IQCK: variants seen among roughly 807,000 people sequenced by gnomAD.
IQCK encodes the protein IQ motif containing K, also known as IQ domain-containing protein K.
Under a neutral mutation model 28.1 loss-of-function variants are expected in IQCK, and 29 were observed. The observed-to-expected ratio is 1.03, with a 90% CI of 0.77 to 1.41. IQCK has a LOEUF of 1.41. Ranked by LOEUF, IQCK falls within the 40% of genes most tolerant of loss-of-function variation. The probability of loss-of-function intolerance (pLI) is 0.00; values close to 1 mark genes in which losing one functional copy is unlikely to be tolerated. For missense variants in IQCK, 359 were observed against 314.7 expected (o/e 1.14, Z -1.07); for synonymous variants, 113 against 115.1 (o/e 0.98, Z 0.12).
At chr16:19,767,544 G>T (rs2055257024) in intron 6 of IQCK, among the ~76,000 whole-genome samples, 1 of 152,072 alleles carries the variant, frequency 6.6e-6, no homozygotes, top group Non-Finnish European at 1.5e-5. Context: ...TTCTGCTGGT[G>T]TGCTCCTCTC....
chr16:19,783,547 G>A (rs200168174), intron 6 of IQCK, among the ~76,000 whole-genome samples: 1 of 151,998 alleles, frequency 6.6e-6, no homozygotes, highest in African/African-American at 2.4e-5. Flanking sequence ...ATGAGCAGTC[G>A]CCTCTTTATT....
chr16:19,773,095 G>T (rs1339546754), intron 6 of IQCK, among the ~76,000 whole-genome samples: 1 of 152,182 alleles, frequency 6.6e-6, no homozygotes, highest in African/African-American at 2.4e-5. Context: ...CCTGGGCGAG[G>T]TGGTATCTAC....
rs557701554 is a variant in IQCK at position 19,817,590 on chromosome 16, G to A, written c.691-9436G>A. On this transcript the variant is annotated intron_variant, in intron 7 of 7. Transcript: ENST00000564186. Reference sequence around the variant, plus strand: ...CCCTATGAACAACTGCAGGCTTCCAGAATGATGAGGAAATGGATGTTTCTG... The same window carrying A: ...CCCTATGAACAACTGCAGGCTTCCAAAATGATGAGGAAATGGATGTTTCTG... Among the ~76,000 whole-genome samples the A allele has an allele frequency of 5.9e-5, 9 of 152,290 alleles. No individual in the cohort carries two copies. The South Asian group carries it at 1.7e-3, about 28-fold the overall frequency.
chr16:19,754,079 T>C (rs1172255918), intron 4 of IQCK, among the ~76,000 whole-genome samples: 1 of 152,046 alleles, frequency 6.6e-6, no homozygotes, highest in Non-Finnish European at 1.5e-5. Flanking sequence ...GAGGTGGGAT[T>C]ATCTCACCTG....
intron 3 of IQCK, among the ~76,000 whole-genome samples, chr16:19,734,594 G>A (rs1327183523): frequency 2.0e-5 from 3 of 151,208 alleles, no homozygotes; most frequent in Non-Finnish European, 2.9e-5. Flanking sequence ...GCACCACTGC[G>A]TTCCAGCCTG....
intron 4 of IQCK, among the ~76,000 whole-genome samples, chr16:19,743,233 AG>A (rs2054861993): frequency 6.6e-6 from 1 of 152,206 alleles, no homozygotes; most frequent in African/African-American, 2.4e-5. Context: ...AAGCTACATG[AG>A]CACTCTGGAG....
At chr16:19,779,819 G>A (rs886497925) in intron 6 of IQCK, among the ~76,000 whole-genome samples, 2 of 150,790 alleles carry the variant, frequency 1.3e-5, no homozygotes, top group Non-Finnish European at 3.0e-5. Flanking sequence ...CTGGGTTCAC[G>A]CCATTCTCCT....
intron 6 of IQCK, among the ~76,000 whole-genome samples, chr16:19,778,813 C>A (rs1210124340): frequency 1.3e-5 from 2 of 152,086 alleles, no homozygotes. Flanking sequence ...TTTTAGTGCC[C>A]TCAAGATGTC....
chr16:19,752,408 A>T (rs1328215293), intron 4 of IQCK, among the ~76,000 whole-genome samples: 1 of 152,116 alleles, frequency 6.6e-6, no homozygotes, highest in Non-Finnish European at 1.5e-5. Flanking sequence ...AGTAGTGGAA[A>T]CTCAAATGAG....
intron 9 of IQCK, among the ~76,000 whole-genome samples, chr16:19,850,101 A>C (rs2056464227): frequency 6.6e-6 from 1 of 152,236 alleles, no homozygotes; most frequent in Non-Finnish European, 1.5e-5. Flanking sequence ...ATACTTAATC[A>C]TTCCCTGACT....
chr16:19,810,059 A>G (rs1339642843), intron 7 of IQCK, among the ~76,000 whole-genome samples: 1 of 152,132 alleles, frequency 6.6e-6, no homozygotes, highest in East Asian at 1.9e-4. Context: ...TTTTTTTTAG[A>G]GCACCCCCAA....
chr16:19,771,931 C>T (rs574774864), intron 6 of IQCK, among the ~76,000 whole-genome samples: 49 of 152,058 alleles, frequency 3.2e-4, no homozygotes, highest in African/African-American at 1.1e-3. Context: ...AGGGAATCAA[C>T]GAGGGATAAA....
At chr16:19,761,282 G>T in intron 4 of IQCK, 1 of 422,106 alleles carries the variant, frequency 2.4e-6, no homozygotes, top group Admixed American at 2.7e-5. Context: ...GAATTTTGGG[G>T]TGATACAATT....
At chr16:19,767,108 A>T (rs1597538878) in intron 6 of IQCK, among the ~76,000 whole-genome samples, 3 of 152,174 alleles carry the variant, frequency 2.0e-5, no homozygotes, top group Non-Finnish European at 2.9e-5. Context: ...CCTGCTGCTC[A>T]AACCTCTAGG....
rs145040033 is a variant in IQCK at position 19,735,654 on chromosome 16, G to C, written c.474+204G>C. On this transcript the variant is annotated intron_variant, in intron 4 of 7. Transcript: ENST00000564186. ...TGCGCTGCCATCTGTCTGGCCACTTGGACTCCGGAGAGCTTTTCCGCCTTG... is the reference window on the plus strand; with the variant it reads ...TGCGCTGCCATCTGTCTGGCCACTTCGACTCCGGAGAGCTTTTCCGCCTTG... 1.6e-3 allele frequency: 906 copies of C among 558,418 alleles called. 5 individuals are homozygous for C. The highest frequency in any genetic ancestry group is 0.013 in the African/African-American group (684 of 52,782). The allele number at this position is 558,418 out of a possible 1,614,324, so 34.6% of individuals were successfully genotyped here.
chr16:19,807,998 T>A (rs564995422), intron 7 of IQCK, among the ~76,000 whole-genome samples: 1 of 152,236 alleles, frequency 6.6e-6, no homozygotes, highest in East Asian at 1.9e-4. Context: ...TTGTTTTTTT[T>A]AAAAAAACAT....
chr16:19,857,284 A>AC (rs1304115176), exon 10 of IQCK: 2 of 339,984 alleles, frequency 5.9e-6, no homozygotes, highest in African/African-American at 4.5e-5. Flanking sequence ...TTGACAAGCT[A>AC]CCACACGTCT....
intron 4 of IQCK, among the ~76,000 whole-genome samples, chr16:19,749,771 G>GA (rs111778931): frequency 0.056 from 7,771 of 138,174 alleles, 634 homozygotes; most frequent in African/African-American, 0.18. Flanking sequence ...TTTCAAAAAG[G>GA]AAAAAAAAAA....
At chr16:19,781,868 A>G (rs2055489724) in intron 6 of IQCK, among the ~76,000 whole-genome samples, 1 of 152,146 alleles carries the variant, frequency 6.6e-6, no homozygotes, top group African/African-American at 2.4e-5. Flanking sequence ...AGGCGCCTGT[A>G]ATCCCAGCTA....
Sources: allele counts gnomAD v4.1 joint callset (sites outside exome capture counted in the v4.1 genomes callset), GRCh38; gene constraint gnomAD v4.1.1; transcripts MANE v1.5; gene names NCBI Gene and HGNC (gene_info 2026-07-23, HGNC 2026-07-21).